NAV2: variants seen among roughly 807,000 people sequenced by gnomAD.
The protein encoded by NAV2 is neuron navigator 2.
A neutral mutation model predicts 223.2 loss-of-function variants in NAV2; 54 were observed. The ratio of observed to expected loss-of-function variants is 0.24; its 90% CI spans 0.19 to 0.30. The LOEUF (loss-of-function observed/expected upper bound fraction) is 0.30, where lower values mean the gene tolerates loss of function less well. NAV2 is among the 10% of genes least tolerant of loss of function. The pLI is 1.00. For synonymous variants in NAV2, 1,279 were observed against 1,239.3 expected, an observed-to-expected ratio of 1.03 and a Z score of -0.67; for missense variants, 2,806 against 3,147.5, an observed-to-expected ratio of 0.89 and a Z score of 2.60.
intron 32 of NAV2, among the ~76,000 whole-genome samples, chr11:20,101,373 C>T (rs145939142): frequency 6.6e-5 from 10 of 152,236 alleles, no homozygotes; most frequent in African/African-American, 1.7e-4. Context: ...TTATGATGCT[C>T]AGTGCTGGTA....
At chr11:20,017,318 T>C (rs1736763377) in intron 11 of NAV2, among the ~76,000 whole-genome samples, 1 of 152,126 alleles carries the variant, frequency 6.6e-6, no homozygotes, top group Non-Finnish European at 1.5e-5. Context: ...AGCCTCTCCC[T>C]CTGGTCTCTG....
At chr11:19,493,174 C>G (rs1054043565) in intron 1 of NAV2, among the ~76,000 whole-genome samples, 1 of 152,018 alleles carries the variant, frequency 6.6e-6, no homozygotes, top group African/African-American at 2.4e-5. Flanking sequence ...GCCCCCTCCC[C>G]TCTCTCCTCC....
intron 36 of NAV2, 74 bp downstream of exon 36, chr11:20,107,856 C>A: frequency 1.0e-6 from 1 of 999,578 alleles, no homozygotes; most frequent in Non-Finnish European, 1.6e-6. Flanking sequence ...TTGTCTTTAT[C>A]TCCTCCTCCA....
chr11:19,751,577 T>C (rs992867471), intron 1 of NAV2, among the ~76,000 whole-genome samples: 1 of 152,228 alleles, frequency 6.6e-6, no homozygotes, highest in Admixed American at 6.5e-5. Context: ...CTGTCTTAAA[T>C]GCTTTTCCAC....
At chr11:19,518,338 T>C (rs972680245) in intron 1 of NAV2, 1 of 152,168 alleles carries the variant, frequency 6.6e-6, no homozygotes, top group Non-Finnish European at 1.5e-5. Context: ...TTCTGTTATT[T>C]AACATTCAGC....
At chr11:19,714,195 G>A in intron 1 of NAV2, 1 of 695,792 alleles carries the variant, frequency 1.4e-6, no homozygotes, top group Non-Finnish European at 2.6e-6. Flanking sequence ...CTGGGATGGC[G>A]GGCACGTCTG....
intron 1 of NAV2, among the ~76,000 whole-genome samples, chr11:19,459,544 A>C (rs1348481710): frequency 6.6e-6 from 1 of 152,234 alleles, no homozygotes; most frequent in Non-Finnish European, 1.5e-5. Context: ...AGTGGAGGAC[A>C]GTCATCTCTA....
At chr11:19,660,341 T>G (rs1235984106) in intron 1 of NAV2, among the ~76,000 whole-genome samples, 1 of 152,206 alleles carries the variant, frequency 6.6e-6, no homozygotes, top group Non-Finnish European at 1.5e-5. Context: ...GTCTGGTTTC[T>G]TTTCTCGTGT....
chr11:19,588,908 A>G (rs1440604398), intron 1 of NAV2, among the ~76,000 whole-genome samples: 2 of 152,216 alleles, frequency 1.3e-5, no homozygotes, highest in African/African-American at 2.4e-5. Context: ...TCTGCATATC[A>G]TAAGGTAGTT....
chr11:19,831,223 C>CGGGGGGGGGGGGGGGGGGGGGGGGG (rs56829857), intron 1 of NAV2, among the ~76,000 whole-genome samples: 1 of 872 alleles, frequency 1.1e-3, no homozygotes, highest in Non-Finnish European at 2.7e-3. Flanking sequence ...AGGAGTGTTG[C>CGGGGGGGGGGGGGGGGGGGGGGGGG]GGGGGGGGGG....
intron 1 of NAV2, among the ~76,000 whole-genome samples, chr11:19,722,784 A>G (rs949685137): frequency 6.6e-6 from 1 of 152,196 alleles, no homozygotes; most frequent in African/African-American, 2.4e-5. Flanking sequence ...TGAACTGAGA[A>G]GGTCATGTGA....
chr11:19,583,851 G>A lies in NAV2; in HGVS notation c.75+232824G>A, dbSNP rs572180486. Among the ~76,000 whole-genome samples the A allele has an allele frequency of 7.9e-5, 12 of 152,252 alleles. No individual in the cohort carries two copies. In the South Asian group the frequency reaches 1.4e-3, roughly 18 times the overall value. The stretch of plus-strand genomic sequence containing the variant: ...GTCTAAAATTCTCTTTTTTTGTTGT[G>A]TCTCTGCCAGGCTTTGGTATCAGGA... On this transcript the variant is annotated intron_variant, in intron 1 of 37. Transcript: ENST00000360655.
At chr11:19,453,647 G>A (rs1851862678) in intron 1 of NAV2, among the ~76,000 whole-genome samples, 1 of 152,170 alleles carries the variant, frequency 6.6e-6, no homozygotes, top group African/African-American at 2.4e-5. Flanking sequence ...GGGGCTTGGA[G>A]AGCAGTCTAA....
chr11:19,575,980 G>A (rs1241059788), intron 1 of NAV2, among the ~76,000 whole-genome samples: 1 of 152,208 alleles, frequency 6.6e-6, no homozygotes, highest in African/African-American at 2.4e-5. Context: ...GAGCCTGGGT[G>A]GTTCAGGATG....
At chr11:19,439,493 A>G (rs1851325596) in intron 1 of NAV2, among the ~76,000 whole-genome samples, 1 of 152,186 alleles carries the variant, frequency 6.6e-6, no homozygotes, top group Non-Finnish European at 1.5e-5. Flanking sequence ...CATTTTACTT[A>G]TGTAACAAAC....
At chr11:19,686,993 C>T (rs1483921446) in intron 1 of NAV2, among the ~76,000 whole-genome samples, 1 of 152,212 alleles carries the variant, frequency 6.6e-6, no homozygotes, top group East Asian at 1.9e-4. Context: ...GTTTATATAA[C>T]TTTCCCAAGG....
chr11:19,963,485 A>G (rs369628458), intron 10 of NAV2, among the ~76,000 whole-genome samples: 8 of 152,134 alleles, frequency 5.3e-5, no homozygotes, highest in African/African-American at 1.4e-4. Context: ...CCTTCTGAAC[A>G]TCGGAAGCCC....
At position 19,419,101 on chromosome 11, in the gene NAV2, G is replaced by T. The variant is rs1266990317; in HGVS notation, c.75+68074G>T. 2.0e-5 allele frequency among the ~76,000 whole-genome samples: 3 copies of T among 152,134 alleles called. No individual in the cohort carries two copies. In the East Asian group the frequency reaches 5.8e-4, roughly 29 times the overall value. On this transcript the variant is annotated intron_variant, in intron 1 of 37. Coordinates refer to the NAV2 transcript ENST00000360655. Reference sequence around the variant, plus strand: ...GGGAGCTGAGCCCTGGAGATTCAAGGGTCAGTGGCACTGGGGGGCTGGCAC... The same window carrying T: ...GGGAGCTGAGCCCTGGAGATTCAAGTGTCAGTGGCACTGGGGGGCTGGCAC...
At chr11:20,113,669 A>T (rs2062816901) in intron 36 of NAV2, among the ~76,000 whole-genome samples, 1 of 152,190 alleles carries the variant, frequency 6.6e-6, no homozygotes, top group Admixed American at 6.5e-5. Flanking sequence ...GCACTTCTAT[A>T]TAGGGGCTGT....
Sources: allele counts gnomAD v4.1 joint callset (sites outside exome capture counted in the v4.1 genomes callset), GRCh38; gene constraint gnomAD v4.1.1; transcripts MANE v1.5; gene names NCBI Gene and HGNC (gene_info 2026-07-23, HGNC 2026-07-21).